The following SYNDIG1 variants were observed in gnomAD, a reference collection of about 807,000 sequenced individuals.
SYNDIG1 encodes the protein synapse differentiation inducing 1, also known as synapse differentiation-inducing gene protein 1.
SYNDIG1 carries 9 observed loss-of-function variants against 19.4 expected under a neutral mutation model. The observed-to-expected ratio is 0.46, with a 90% confidence interval of 0.28 to 0.81. The LOEUF (loss-of-function observed/expected upper bound fraction) is 0.81, where lower values mean the gene tolerates loss of function less well. Among genes scored for constraint, SYNDIG1 ranks in the 30% least tolerant of loss-of-function variants. SYNDIG1 has a pLI of 0.12. For missense variants in SYNDIG1, 311 were observed against 343.3 expected (o/e 0.91, Z 0.74); for synonymous variants, 141 against 145.9 (o/e 0.97, Z 0.24).
intron 1 of SYNDIG1, among the ~76,000 whole-genome samples, chr20:24,514,709 A>G (rs2056824163): frequency 6.6e-6 from 1 of 152,220 alleles, no homozygotes; most frequent in African/African-American, 2.4e-5. Context: ...AACATTAGAC[A>G]GATCAGTGAG....
intron 1 of SYNDIG1, among the ~76,000 whole-genome samples, chr20:24,482,547 AGG>A (rs959596380): frequency 6.6e-6 from 1 of 152,198 alleles, no homozygotes; most frequent in Non-Finnish European, 1.5e-5. Context: ...ATGTTCACTG[AGG>A]TCCTTCCCCT....
chr20:24,490,081 C>T (rs959232335), intron 1 of SYNDIG1, among the ~76,000 whole-genome samples: 12 of 152,214 alleles, frequency 7.9e-5, no homozygotes, highest in Non-Finnish European at 1.3e-4. Flanking sequence ...AGGCACCCTC[C>T]AGGATACCTT....
At chr20:24,577,139 T>C (rs1403390098) in intron 2 of SYNDIG1, among the ~76,000 whole-genome samples, 1 of 152,250 alleles carries the variant, frequency 6.6e-6, no homozygotes, top group Non-Finnish European at 1.5e-5. Context: ...TTCCTAGGAC[T>C]CTGCACTCTG....
chr20:24,570,474 G>C (rs2058124045), intron 2 of SYNDIG1, among the ~76,000 whole-genome samples: 1 of 152,132 alleles, frequency 6.6e-6, no homozygotes, highest in Non-Finnish European at 1.5e-5. Flanking sequence ...CAACCATCTA[G>C]TTTAAAAATA....
At chr20:24,481,124 T>G (rs1018384570) in intron 1 of SYNDIG1, among the ~76,000 whole-genome samples, 7 of 152,164 alleles carry the variant, frequency 4.6e-5, no homozygotes, top group African/African-American at 1.4e-4. Flanking sequence ...GTGTGTGTGT[T>G]TTTTGCCACA....
At chr20:24,518,996 T>C (rs549049557) in intron 1 of SYNDIG1, among the ~76,000 whole-genome samples, 1 of 152,300 alleles carries the variant, frequency 6.6e-6, no homozygotes, top group South Asian at 2.1e-4. Flanking sequence ...GCGCAGCCCA[T>C]TACTAGCTGG....
At chr20:24,641,063 T>G (rs1357167517) in intron 3 of SYNDIG1, among the ~76,000 whole-genome samples, 1 of 152,234 alleles carries the variant, frequency 6.6e-6, no homozygotes, top group Non-Finnish European at 1.5e-5. Flanking sequence ...GAACTTTTGC[T>G]TAGAGAATGA....
intron 1 of SYNDIG1, among the ~76,000 whole-genome samples, chr20:24,493,445 G>A (rs1376062125): frequency 6.6e-6 from 1 of 151,976 alleles, no homozygotes; most frequent in Admixed American, 6.6e-5. Flanking sequence ...ACATACATGG[G>A]CATACACAGG....
intron 2 of SYNDIG1, among the ~76,000 whole-genome samples, chr20:24,581,188 C>T (rs2058316462): frequency 6.6e-6 from 1 of 152,166 alleles, no homozygotes; most frequent in Non-Finnish European, 1.5e-5. Context: ...ATCGGGGATT[C>T]CAGACTCCAG....
intron 3 of SYNDIG1, among the ~76,000 whole-genome samples, chr20:24,660,192 T>G (rs183833725): frequency 1.3e-5 from 2 of 152,374 alleles, no homozygotes; most frequent in Admixed American, 1.3e-4. Context: ...TGAACATTCC[T>G]ACAGATGTGT....
At chr20:24,645,658 C>T (rs1268296405) in intron 3 of SYNDIG1, among the ~76,000 whole-genome samples, 1 of 152,218 alleles carries the variant, frequency 6.6e-6, no homozygotes, top group Non-Finnish European at 1.5e-5. Context: ...TGTCCCCTCA[C>T]CTCACCAGCT....
At chr20:24,541,314 G>A (rs2057464313) in intron 1 of SYNDIG1, among the ~76,000 whole-genome samples, 2 of 152,210 alleles carry the variant, frequency 1.3e-5, no homozygotes, top group Admixed American at 1.3e-4. Flanking sequence ...CCTACTTTCT[G>A]ACTTATATTT....
chr20:24,520,693 C>CAAAA (rs11475871), intron 1 of SYNDIG1, among the ~76,000 whole-genome samples: 1 of 144,858 alleles, frequency 6.9e-6, no homozygotes, highest in East Asian at 2.0e-4. Flanking sequence ...AACTCTGTCT[C>CAAAA]AAAAAAAAAA....
chr20:24,474,818 G>A (rs1275234415), intron 1 of SYNDIG1, among the ~76,000 whole-genome samples: 3 of 152,180 alleles, frequency 2.0e-5, no homozygotes, highest in Non-Finnish European at 4.4e-5. Context: ...GCAGGCGCCC[G>A]CTTTCACACG....
At chr20:24,584,833 G>A (rs1024684688) in intron 2 of SYNDIG1, 23 bp from the exon 3 acceptor site, 1 of 1,613,864 alleles carries the variant, frequency 6.2e-7, no homozygotes, top group Non-Finnish European at 8.5e-7. Flanking sequence ...CTCCTGTCCT[G>A]TCCTGCTGGT....
At chr20:24,637,357 C>T (rs758825253) in intron 3 of SYNDIG1, among the ~76,000 whole-genome samples, 3 of 152,212 alleles carry the variant, frequency 2.0e-5, no homozygotes, top group Non-Finnish European at 4.4e-5. Flanking sequence ...GTCCCTTCCA[C>T]GTCCCCTCCC....
chr20:24,485,379 A>T (rs1222773829), intron 1 of SYNDIG1, among the ~76,000 whole-genome samples: 1 of 152,200 alleles, frequency 6.6e-6, no homozygotes, highest in East Asian at 1.9e-4. Flanking sequence ...TGTTCATTAG[A>T]TGGATGCATT....
At chr20:24,576,502 C>G (rs1229215002) in intron 2 of SYNDIG1, among the ~76,000 whole-genome samples, 2 of 152,168 alleles carry the variant, frequency 1.3e-5, no homozygotes, top group African/African-American at 4.8e-5. Context: ...GGCACGTGCC[C>G]CTGGCATCAC....
intron 1 of SYNDIG1, among the ~76,000 whole-genome samples, chr20:24,477,465 G>A (rs1006985482): frequency 6.6e-6 from 1 of 152,082 alleles, no homozygotes; most frequent in Non-Finnish European, 1.5e-5. Flanking sequence ...GCAGTTACCA[G>A]CTAGTCTGTT....
Sources: gnomAD v4.1 joint callset for allele counts (sites outside exome capture counted in the v4.1 genomes callset) on GRCh38, gnomAD v4.1.1 for gene constraint, MANE v1.5 for transcripts, NCBI Gene and HGNC (gene_info 2026-07-23, HGNC 2026-07-21) for gene names.